The following CDK17 variants were observed in gnomAD, a reference collection of about 807,000 sequenced individuals.
CDK17 encodes cyclin-dependent kinase 17.
A neutral mutation model predicts 77.6 loss-of-function variants in CDK17; 24 were observed. That is an observed-to-expected ratio of 0.31 (90% CI 0.22 to 0.44). The LOEUF (loss-of-function observed/expected upper bound fraction) is 0.44. CDK17 is among the 20% of genes least tolerant of loss of function. The pLI is 1.00. For missense variants in CDK17, 429 were observed against 622.5 expected (o/e 0.69, Z 3.31); for synonymous variants, 203 against 210.4 (o/e 0.96, Z 0.30).
intron 1 of CDK17, among the ~76,000 whole-genome samples, chr12:96,359,569 T>C (rs1003354053): frequency 3.9e-5 from 6 of 152,202 alleles, no homozygotes; most frequent in Non-Finnish European, 7.3e-5. Flanking sequence ...TCAGGTCACA[T>C]GGCCATGCCT....
intron 1 of CDK17, chr12:96,387,242 C>T: frequency 4.3e-6 from 1 of 229,964 alleles, no homozygotes; most frequent in Non-Finnish European, 9.1e-6. Context: ...CAGCATCCAG[C>T]AACCAAGGAC....
intron 1 of CDK17, chr12:96,387,125 C>T (rs1002509658): frequency 3.2e-5 from 9 of 284,224 alleles, no homozygotes; most frequent in Middle Eastern, 9.2e-4. Context: ...TTCCATAGAC[C>T]TGTGTTCCAC....
intron 1 of CDK17, among the ~76,000 whole-genome samples, chr12:96,375,510 CTTTTTTTTTTTT>C (rs34451499): frequency 3.9e-5 from 4 of 101,576 alleles, no homozygotes; most frequent in Non-Finnish European, 5.8e-5. Context: ...TGATCCTAAC[CTTTTTTTTTTTT>C]TTTTTTTTTG....
intron 1 of CDK17, among the ~76,000 whole-genome samples, chr12:96,398,775 T>G (rs1954211300): frequency 6.6e-6 from 1 of 152,186 alleles, no homozygotes; most frequent in South Asian, 2.1e-4. Context: ...AAACAAAATT[T>G]GCCTCTTCTG....
chr12:96,297,931 TA>T (rs79321799), intron 7 of CDK17, among the ~76,000 whole-genome samples: 596 of 130,582 alleles, frequency 4.6e-3, no homozygotes, highest in Middle Eastern at 0.015. Context: ...CAATGCTATT[TA>T]AAAAAAAAAA....
intron 3 of CDK17, among the ~76,000 whole-genome samples, chr12:96,316,700 G>A (rs1408214511): frequency 1.6e-5 from 2 of 126,298 alleles, no homozygotes; most frequent in Admixed American, 8.7e-5. Flanking sequence ...GGGGCACACT[G>A]ACACCTCACA....
intron 1 of CDK17, among the ~76,000 whole-genome samples, chr12:96,349,119 G>A (rs1311043836): frequency 6.6e-6 from 1 of 152,178 alleles, no homozygotes; most frequent in Admixed American, 6.5e-5. Context: ...TAATGAACCA[G>A]GATTTGTCTC....
At chr12:96,292,617 CA>C (rs1456019685) in intron 10 of CDK17, among the ~76,000 whole-genome samples, 2 of 151,602 alleles carry the variant, frequency 1.3e-5, no homozygotes, top group Admixed American at 1.3e-4. Context: ...AACAAACAAC[CA>C]AAAAACTACC....
Position 96,318,656 on chromosome 12 carries a change from C to T in CDK17, c.284-5202G>A, listed in dbSNP as rs1375174829. 9.4e-4 allele frequency among the ~76,000 whole-genome samples: 134 copies of T among 141,960 alleles called. 3 individuals are homozygous for T. In the East Asian group the frequency reaches 0.017, roughly 18 times the overall value. 93.1% of individuals were successfully genotyped at this position (141,960 alleles called of 152,430 possible). The stretch of plus-strand genomic sequence containing the variant: ...CAGGATTAAGAATCTCACTCAAAAC[C>T]GCTCAACTACATGGAAACTGAACAA... On this transcript the variant is annotated intron_variant, in intron 3 of 16. Transcript: ENST00000261211.
chr12:96,320,596 G>C (rs746442375), intron 3 of CDK17, among the ~76,000 whole-genome samples: 4 of 151,052 alleles, frequency 2.6e-5, no homozygotes, highest in Non-Finnish European at 3.0e-5. Flanking sequence ...CATGGTACTG[G>C]TACCAAAACA....
intron 1 of CDK17, among the ~76,000 whole-genome samples, chr12:96,346,293 A>G (rs1042774820): frequency 2.0e-5 from 3 of 152,134 alleles, no homozygotes; most frequent in East Asian, 1.9e-4. Flanking sequence ...TCTACTAAAA[A>G]TACTAAAAAA....
At chr12:96,359,812 G>A (rs1203450773) in intron 1 of CDK17, among the ~76,000 whole-genome samples, 1 of 152,060 alleles carries the variant, frequency 6.6e-6, no homozygotes, top group African/African-American at 2.4e-5. Context: ...TCAAAATTCT[G>A]AAAGACAGAA....
chr12:96,294,871 T>C (rs1952381693), intron 10 of CDK17, 128 bp downstream of exon 10: 3 of 734,928 alleles, frequency 4.1e-6, no homozygotes, highest in South Asian at 4.2e-5. Flanking sequence ...AAATATCTTA[T>C]TCTGTGGGCT....
At position 96,318,969 on chromosome 12, in the gene CDK17, TAG is replaced by T. The variant is rs1446565842; in HGVS notation, c.283+4977_283+4978del. On this transcript the variant is annotated intron_variant, in intron 3 of 16. Transcript: ENST00000261211. ...AAAATCAGAGCAGAACTGAAGGAAATAGAGACACAAAAAACCCTTCAAAAATC... is the reference window on the plus strand; with the variant it reads ...AAAATCAGAGCAGAACTGAAGGAAATAGACACAAAAAACCCTTCAAAAATC... 2.1e-5 allele frequency among the ~76,000 whole-genome samples: 3 copies of T among 144,240 alleles called. No individual in the cohort carries two copies. The Admixed American group carries it at 2.1e-4, about 10-fold the overall frequency. 94.6% of individuals were successfully genotyped at this position (144,240 alleles called of 152,430 possible).
chr12:96,351,377 G>GC (rs1953311298), intron 1 of CDK17, among the ~76,000 whole-genome samples: 1 of 150,380 alleles, frequency 6.6e-6, no homozygotes, highest in South Asian at 2.1e-4. Flanking sequence ...AATGTTAATG[G>GC]CAGCATTATT....
At chr12:96,339,161 T>C (rs1953088136) in intron 1 of CDK17, among the ~76,000 whole-genome samples, 2 of 152,196 alleles carry the variant, frequency 1.3e-5, no homozygotes, top group South Asian at 4.1e-4. Flanking sequence ...ATTATAGAAA[T>C]GTTATTACAG....
chr12:96,282,256 C>T, intron 15 of CDK17: 1 of 340,424 alleles, frequency 2.9e-6, no homozygotes. Flanking sequence ...AACTAAAGTC[C>T]AATAAGATTA....
At chr12:96,335,063 C>T (rs1255736663) in intron 1 of CDK17, 198 bp from the exon 2 acceptor site, 1 of 627,290 alleles carries the variant, frequency 1.6e-6, no homozygotes, top group African/African-American at 1.8e-5. Flanking sequence ...TTGGCATCAT[C>T]AGAAGAGCAG....
chr12:96,362,710 A>C (rs185495269), intron 1 of CDK17, among the ~76,000 whole-genome samples: 1 of 152,322 alleles, frequency 6.6e-6, no homozygotes, highest in Admixed American at 6.5e-5. Flanking sequence ...AGCTCTAGAG[A>C]TGTATCTTTG....
Sources: allele counts gnomAD v4.1 joint callset (sites outside exome capture counted in the v4.1 genomes callset), GRCh38; gene constraint gnomAD v4.1.1; transcripts MANE v1.5; gene names NCBI Gene and HGNC (gene_info 2026-07-23, HGNC 2026-07-21).